The following ABTB3 variants were observed in gnomAD, a reference collection of about 807,000 sequenced individuals.
ABTB3 encodes the protein ankyrin repeat- and BTB/POZ domain-containing protein 3.
the ABTB3 span, among the ~76,000 whole-genome samples, chr12:107,387,123 A>C: frequency 7.9e-5 from 12 of 151,696 alleles, no homozygotes; most frequent in African/African-American, 2.4e-4. Flanking sequence ...GATTACAGGC[A>C]CCTGCCACCA....
At chr12:107,621,418 G>A in the ABTB3 span, among the ~76,000 whole-genome samples, 5 of 151,502 alleles carry the variant, frequency 3.3e-5, no homozygotes, top group African/African-American at 1.2e-4. Context: ...CTAAGAAACT[G>A]TCTTAGTGAG....
chr12:107,463,566 G>A, the ABTB3 span, among the ~76,000 whole-genome samples: 153 of 152,282 alleles, frequency 1.0e-3, no homozygotes, highest in Non-Finnish European at 1.6e-3. Context: ...GAGTCCCACA[G>A]CCAGTAAGCA....
chr12:107,432,668 A>G, the ABTB3 span, among the ~76,000 whole-genome samples: 1 of 152,200 alleles, frequency 6.6e-6, no homozygotes, highest in African/African-American at 2.4e-5. Context: ...TGGGCAAGTG[A>G]ACAACAGTGC....
chr12:107,495,495 G>C, the ABTB3 span, among the ~76,000 whole-genome samples: 1 of 152,192 alleles, frequency 6.6e-6, no homozygotes, highest in Non-Finnish European at 1.5e-5. Flanking sequence ...GATTGGGTAT[G>C]ATTAGAACCA....
chr12:107,475,438 T>A, the ABTB3 span, among the ~76,000 whole-genome samples: 1 of 152,176 alleles, frequency 6.6e-6, no homozygotes, highest in African/African-American at 2.4e-5. Context: ...AGGGGGAGTG[T>A]AAACCATTTC....
At chr12:107,454,671 T>G in the ABTB3 span, among the ~76,000 whole-genome samples, 3 of 152,144 alleles carry the variant, frequency 2.0e-5, no homozygotes, top group Admixed American at 1.3e-4. Flanking sequence ...AGGCAGGCCC[T>G]CGAGTGGGTG....
At chr12:107,494,347 G>A in the ABTB3 span, among the ~76,000 whole-genome samples, 2 of 152,126 alleles carry the variant, frequency 1.3e-5, no homozygotes, top group East Asian at 1.9e-4. Flanking sequence ...CAGAAGAGCC[G>A]GGACCTTCCC....
the ABTB3 span, among the ~76,000 whole-genome samples, chr12:107,443,235 GA>G: frequency 1.3e-5 from 2 of 152,048 alleles, no homozygotes; most frequent in Admixed American, 1.3e-4. Flanking sequence ...AGGAATTGAA[GA>G]GAATGAAATG....
At chr12:107,431,836 T>C in the ABTB3 span, among the ~76,000 whole-genome samples, 1 of 151,980 alleles carries the variant, frequency 6.6e-6, no homozygotes, top group Non-Finnish European at 1.5e-5. Context: ...AATCCGGGAG[T>C]GGCTAACTCG....
At chr12:107,646,093 C>T in the ABTB3 span, among the ~76,000 whole-genome samples, 1 of 152,242 alleles carries the variant, frequency 6.6e-6, no homozygotes, top group African/African-American at 2.4e-5. Flanking sequence ...CCGGCAAGGG[C>T]CGGACGCAGC....
At chr12:107,554,847 C>G in the ABTB3 span, among the ~76,000 whole-genome samples, 1 of 152,168 alleles carries the variant, frequency 6.6e-6, no homozygotes. Context: ...CGAAAACAAC[C>G]TCCATTTTTA....
the ABTB3 span, among the ~76,000 whole-genome samples, chr12:107,657,199 A>G: frequency 6.6e-6 from 1 of 152,214 alleles, no homozygotes; most frequent in Admixed American, 6.5e-5. Flanking sequence ...TACCACATGC[A>G]TCCCTGTCCT....
the ABTB3 span, among the ~76,000 whole-genome samples, chr12:107,577,366 A>G: frequency 2.0e-5 from 3 of 152,188 alleles, no homozygotes; most frequent in African/African-American, 7.2e-5. Context: ...GCTGGGATTC[A>G]GTTCTGCAAA....
the ABTB3 span, chr12:107,581,063 C>A: frequency 1.9e-6 from 3 of 1,541,664 alleles, no homozygotes; most frequent in Admixed American, 2.0e-5. Flanking sequence ...ATGGGGGGAT[C>A]CCCGCGAGCA....
At chr12:107,319,724 A>C in the ABTB3 span, 1 of 1,531,240 alleles carries the variant, frequency 6.5e-7, no homozygotes, top group Non-Finnish European at 8.7e-7. Flanking sequence ...CCGGAGCTGC[A>C]GTGGCCCTGG....
chr12:107,638,309 C>T, the ABTB3 span, among the ~76,000 whole-genome samples: 1 of 152,094 alleles, frequency 6.6e-6, no homozygotes, highest in African/African-American at 2.4e-5. Flanking sequence ...GTCTGGAAGG[C>T]AAATTCTGGG....
At chr12:107,608,898 A>T in the ABTB3 span, among the ~76,000 whole-genome samples, 1 of 78,684 alleles carries the variant, frequency 1.3e-5, no homozygotes, top group Admixed American at 1.4e-4. Flanking sequence ...TAAAATAAAT[A>T]AAATAAAATA....
At chr12:107,392,145 A>G in the ABTB3 span, among the ~76,000 whole-genome samples, 2 of 152,170 alleles carry the variant, frequency 1.3e-5, no homozygotes, top group Non-Finnish European at 2.9e-5. Flanking sequence ...TGCTTAACAA[A>G]TGCCCACCAT....
At chr12:107,391,418 G>C in the ABTB3 span, among the ~76,000 whole-genome samples, 1 of 151,904 alleles carries the variant, frequency 6.6e-6, no homozygotes, top group Admixed American at 6.5e-5. Flanking sequence ...TTTGGGGAGA[G>C]AGTGGGTAAA....
Sources: allele counts gnomAD v4.1 joint callset (sites outside exome capture counted in the v4.1 genomes callset), GRCh38; gene constraint gnomAD v4.1.1; transcripts MANE v1.5; gene names NCBI Gene and HGNC (gene_info 2026-07-23, HGNC 2026-07-21).